ROCK1: variants seen among roughly 807,000 people sequenced by gnomAD.
The protein encoded by ROCK1 is rho-associated protein kinase 1.
In ROCK1, 36 loss-of-function variants were observed where a neutral mutation model predicts 196.8. The observed-to-expected ratio is 0.18, with a 90% CI of 0.14 to 0.24. The LOEUF is 0.24. ROCK1 is among the 10% of genes least tolerant of loss of function. The pLI, the probability that ROCK1 is intolerant of heterozygous loss-of-function variation, is 1.00. For missense variants in ROCK1, 920 were observed against 1,562.0 expected, an observed-to-expected ratio of 0.59 and a Z score of 6.93; for synonymous variants, 443 against 515.9, an observed-to-expected ratio of 0.86 and a Z score of 1.91.
intron 31 of ROCK1, 100 bp from the exon 32 acceptor site, chr18:20,953,885 A>G: frequency 1.8e-6 from 1 of 561,650 alleles, no homozygotes; most frequent in Non-Finnish European, 3.1e-6. Flanking sequence ...AGGTTTTAAA[A>G]GTTTTAATAT....
intron 29 of ROCK1, among the ~76,000 whole-genome samples, chr18:20,958,922 T>TTATATAATATATATA (rs1568367096): frequency 6.1e-5 from 5 of 81,346 alleles, no homozygotes; most frequent in African/African-American, 2.1e-4. Flanking sequence ...TTATATATTT[T>TTATATAATATATATA]ATATATATAT....
rs557050837 is a variant in ROCK1 at position 21,011,076 on chromosome 18, G to A, written c.1411-2882C>T. 3.9e-5 allele frequency among the ~76,000 whole-genome samples: 6 copies of A among 152,208 alleles called. No individual in the cohort carries two copies. In the South Asian group the frequency reaches 1.2e-3, roughly 32 times the overall value. On this transcript the variant is annotated intron_variant, in intron 13 of 32. Coordinates refer to ENST00000399799, the MANE Select transcript of ROCK1 (RefSeq NM_005406.3). ...TTGCCTATATTGTTATATTTGAAGA[G>A]TTTCTGACAGATATATAAATGGGGG...
chr18:21,005,714 A>G (rs2035762698), intron 16 of ROCK1, among the ~76,000 whole-genome samples: 1 of 152,038 alleles, frequency 6.6e-6, no homozygotes, highest in South Asian at 2.1e-4. Context: ...CCGTCTCTAC[A>G]AAAAATGCAA....
intron 26 of ROCK1, 42 bp from the exon 27 acceptor site, chr18:20,967,118 C>T (rs761346203): frequency 3.1e-6 from 4 of 1,283,904 alleles, no homozygotes; most frequent in Non-Finnish European, 4.4e-6. Flanking sequence ...CAAGCTAAAA[C>T]AATTTCCAAC....
Position 20,960,160 on chromosome 18 carries a change from G to T in ROCK1, c.3399C>A (p.Ile1133=). The T allele has an allele frequency of 6.2e-7, 1 of 1,600,378 alleles. No homozygotes were observed. Among genetic ancestry groups the T allele is most frequent in the South Asian group, 1.1e-5 (1 of 90,796 alleles). Residue 1133 remains isoleucine, a synonymous_variant, in exon 28 of 33, where the codon ATC becomes ATA. Transcript: ENST00000399799. The part of the protein sequence containing the change: ...GWLSVPNRGN[I]KRYGWKKQYV... ...CCTGTTTCTTCCAGCCATATCGTTT[G>T]ATATTTCCTCTATTTGGTACTGAAA...
chr18:20,965,366 AAC>A (rs2035363009), intron 27 of ROCK1, among the ~76,000 whole-genome samples: 1 of 152,066 alleles, frequency 6.6e-6, no homozygotes, highest in Non-Finnish European at 1.5e-5. Flanking sequence ...TAGCCTGGGC[AAC>A]AGAGTGAGAC....
At chr18:21,086,741 A>G (rs2143578315) in intron 1 of ROCK1, among the ~76,000 whole-genome samples, 1 of 151,868 alleles carries the variant, frequency 6.6e-6, no homozygotes, top group African/African-American at 2.4e-5. Context: ...AAAATGTCAA[A>G]CCGAAATTCT....
chr18:20,977,335 A>G (rs544487818), intron 22 of ROCK1, among the ~76,000 whole-genome samples: 11 of 152,340 alleles, frequency 7.2e-5, no homozygotes, highest in African/African-American at 2.4e-4. Flanking sequence ...AATCTGACTC[A>G]GTTTTCTCTC....
At chr18:21,084,585 T>C (rs2036510832) in intron 1 of ROCK1, among the ~76,000 whole-genome samples, 1 of 152,168 alleles carries the variant, frequency 6.6e-6, no homozygotes, top group African/African-American at 2.4e-5. Context: ...ATAGTTATTA[T>C]TTTAAAAAAT....
intron 6 of ROCK1, among the ~76,000 whole-genome samples, chr18:21,043,073 C>T (rs2036121240): frequency 6.6e-6 from 1 of 152,010 alleles, no homozygotes; most frequent in African/African-American, 2.4e-5. Context: ...ATCATGAAAC[C>T]ATTTAACTGC....
At chr18:20,989,646 G>A (rs1398258078) in intron 18 of ROCK1, among the ~76,000 whole-genome samples, 1 of 152,084 alleles carries the variant, frequency 6.6e-6, no homozygotes, top group Non-Finnish European at 1.5e-5. Flanking sequence ...ACTTGTTCAT[G>A]TTTACAGTAA....
At chr18:21,013,966 T>C (rs1013546755) in intron 13 of ROCK1, among the ~76,000 whole-genome samples, 3 of 149,534 alleles carry the variant, frequency 2.0e-5, no homozygotes, top group African/African-American at 7.4e-5. Context: ...CTCGGGAGGC[T>C]GAGGCAGGAG....
intron 25 of ROCK1, 143 bp from the exon 26 acceptor site, chr18:20,968,083 C>T: frequency 2.6e-6 from 2 of 761,736 alleles, no homozygotes; most frequent in Non-Finnish European, 2.0e-6. Context: ...GACATGATAA[C>T]TGGTAGCACA....
intron 22 of ROCK1, among the ~76,000 whole-genome samples, chr18:20,971,022 A>C (rs1181257172): frequency 6.6e-6 from 1 of 152,196 alleles, no homozygotes. Context: ...ATGAAAACTT[A>C]TAAGAGATTT....
At chr18:20,970,650 T>A (rs8089184) in intron 22 of ROCK1, 137 bp from the exon 23 acceptor site, 2 of 612,172 alleles carry the variant, frequency 3.3e-6, no homozygotes, top group Middle Eastern at 4.4e-4. Flanking sequence ...TTAAATCCAT[T>A]GCAAACTTTC....
At chr18:21,044,595 A>C (rs1479828449) in intron 5 of ROCK1, among the ~76,000 whole-genome samples, 10 of 152,204 alleles carry the variant, frequency 6.6e-5, no homozygotes, top group African/African-American at 2.2e-4. Context: ...ACAGGATTCA[A>C]GCAGTGTTTG....
At chr18:20,959,142 T>C (rs1396724928) in intron 29 of ROCK1, among the ~76,000 whole-genome samples, 1 of 67,106 alleles carries the variant, frequency 1.5e-5, no homozygotes, top group South Asian at 3.1e-4. Flanking sequence ...ATATATATTA[T>C]ATAAAATATA....
chr18:20,966,269 C>T (rs1183730072), intron 27 of ROCK1, among the ~76,000 whole-genome samples: 1 of 151,990 alleles, frequency 6.6e-6, no homozygotes, highest in African/African-American at 2.4e-5. Context: ...GTTTACATGA[C>T]GATTAAACCA....
At chr18:20,982,499 G>A (rs1482985449) in intron 21 of ROCK1, among the ~76,000 whole-genome samples, 4 of 152,188 alleles carry the variant, frequency 2.6e-5, no homozygotes, top group Middle Eastern at 3.4e-3. Context: ...TGATCCACTC[G>A]CCTCGGCCTC....
Sources: allele counts gnomAD v4.1 joint callset (sites outside exome capture counted in the v4.1 genomes callset), GRCh38; gene constraint gnomAD v4.1.1; transcripts MANE v1.5; gene names NCBI Gene and HGNC (gene_info 2026-07-23, HGNC 2026-07-21).